The following EPB41L1 variants were observed in gnomAD, a reference collection of about 807,000 sequenced individuals.
EPB41L1 encodes band 4.1-like protein 1.
Under a neutral mutation model 97.8 loss-of-function variants are expected in EPB41L1, and 29 were observed. That is an observed-to-expected ratio of 0.30 (90% CI 0.22 to 0.40). EPB41L1 has a LOEUF of 0.40. EPB41L1 is among the 10% of genes least tolerant of loss of function. The pLI, the probability that EPB41L1 is intolerant of heterozygous loss-of-function variation, is 1.00. For synonymous variants in EPB41L1, 383 were observed against 459.2 expected, an observed-to-expected ratio of 0.83 and a Z score of 2.12; for missense variants, 812 against 1,162.3, an observed-to-expected ratio of 0.70 and a Z score of 4.38.
At chr20:36,215,470 G>A (rs2063387748) in intron 17 of EPB41L1, among the ~76,000 whole-genome samples, 1 of 152,192 alleles carries the variant, frequency 6.6e-6, no homozygotes, top group African/African-American at 2.4e-5. Flanking sequence ...CCAACCTCCT[G>A]ACATACACAT....
chr20:36,205,970 A>T (rs1172403052), intron 14 of EPB41L1: 1 of 1,289,876 alleles, frequency 7.8e-7, no homozygotes, highest in Non-Finnish European at 1.0e-6. Context: ...ATCCTTGCCA[A>T]CGGCAGACTC....
At chr20:36,157,426 G>C (rs1247638999) in intron 1 of EPB41L1, among the ~76,000 whole-genome samples, 1 of 152,222 alleles carries the variant, frequency 6.6e-6, no homozygotes, top group Non-Finnish European at 1.5e-5. Context: ...GGCTCAGAGA[G>C]GTTATGTCAC....
chr20:36,170,014 C>T (rs2060919712), intron 1 of EPB41L1, among the ~76,000 whole-genome samples: 1 of 151,972 alleles, frequency 6.6e-6, no homozygotes, highest in African/African-American at 2.4e-5. Flanking sequence ...TCACCTGGGC[C>T]TGGGCAGAAC....
intron 19 of EPB41L1, among the ~76,000 whole-genome samples, chr20:36,220,250 C>T (rs559557195): frequency 4.6e-5 from 7 of 152,308 alleles, no homozygotes; most frequent in East Asian, 3.9e-4. Flanking sequence ...AAGACAGATG[C>T]GGGTGTTCTA....
At chr20:36,135,399 G>A (rs1269075683) in intron 2 of EPB41L1, among the ~76,000 whole-genome samples, 1 of 152,192 alleles carries the variant, frequency 6.6e-6, no homozygotes, top group Non-Finnish European at 1.5e-5. Context: ...GATACCACAT[G>A]GGCCGAAGCA....
In EPB41L1 at chr20:36,212,854, ATGAACAAAG is replaced by A. The variant is rs1029944103; in HGVS notation, c.2184+483_2184+491del. ...TAGAGTTCCACATCAGATCAGTAAA[ATGAACAAAG>A]TGAAAGAAGAAAACCGAAGATCATG... On this transcript the variant is annotated intron_variant, in intron 16 of 21. Coordinates refer to ENST00000338074, the MANE Select transcript of EPB41L1 (RefSeq NM_012156.2). This position sits in a 1 kb window ranked among gnomAD's most constrained non-coding sequence, Gnocchi z 4.8. 4.6e-5 allele frequency among the ~76,000 whole-genome samples: 7 copies of A among 152,350 alleles called. No homozygotes were observed. Among genetic ancestry groups the A allele is most frequent in the Admixed American group, 4.6e-4 (7 of 15,310 alleles).
intron 21 of EPB41L1, among the ~76,000 whole-genome samples, chr20:36,223,691 T>A (rs897966220): frequency 9.2e-5 from 14 of 152,092 alleles, no homozygotes; most frequent in Non-Finnish European, 1.8e-4. Flanking sequence ...GAGAAAAAAA[T>A]TCTTCTGATT....
intron 4 of EPB41L1, 63 bp from the exon 5 acceptor site, chr20:36,178,567 C>T (rs1380638385): frequency 6.6e-7 from 1 of 1,526,042 alleles, no homozygotes. Context: ...ATATTTCTCT[C>T]TCTCAGCCCA....
chr20:36,185,481 A>G, intron 7 of EPB41L1, 146 bp downstream of exon 7: 1 of 780,838 alleles, frequency 1.3e-6, no homozygotes, highest in Non-Finnish European at 2.2e-6. Context: ...CTAAGAGCAA[A>G]TCATCTCTGT....
At chr20:36,147,694 G>A (rs1465727899) in intron 2 of EPB41L1, among the ~76,000 whole-genome samples, 4 of 152,176 alleles carry the variant, frequency 2.6e-5, no homozygotes, top group Non-Finnish European at 4.4e-5. Context: ...GTTAATTGAT[G>A]GTGATGCTGC....
At position 36,182,313 on chromosome 20, in the gene EPB41L1, C is replaced by T. The variant is rs1362630560; in HGVS notation, c.532C>T (p.Pro178Ser). Reference protein sequence around the residue: ...NFAFTVKFYPPDPAQLTEDIT... With the variant: ...NFAFTVKFYPSDPAQLTEDIT... Reference sequence around the variant, plus strand: ...TGCCTTCACAGTCAAGTTCTACCCGCCTGATCCTGCCCAGCTGACAGAAGA... The same window carrying T: ...TGCCTTCACAGTCAAGTTCTACCCGTCTGATCCTGCCCAGCTGACAGAAGA... The change falls in exon 6 of 22, where the codon CCT becomes TCT. Residue 178 changes from proline to serine, a missense_variant. By Grantham distance (74) the Pro-to-Ser change is moderately conservative. This residue lies in a region of EPB41L1 where 230 missense variants were observed against 445.2 expected (regional missense o/e 0.52). Coordinates refer to ENST00000338074, the MANE Select transcript of EPB41L1 (RefSeq NM_012156.2). 1 of 1,614,146 alleles carries T rather than the reference C, an allele frequency of 6.2e-7. No homozygotes were observed. The highest frequency in any genetic ancestry group is 2.2e-5 in the East Asian group (1 of 44,886).
intron 3 of EPB41L1, 98 bp from the exon 4 acceptor site, chr20:36,177,854 C>T (rs1240687572): frequency 2.0e-6 from 2 of 989,402 alleles, no homozygotes; most frequent in Non-Finnish European, 1.6e-6. Flanking sequence ...CCGAAAGGCC[C>T]TTGGGGTTTT....
chr20:36,146,520 G>T (rs2059838689), intron 2 of EPB41L1, among the ~76,000 whole-genome samples: 2 of 152,250 alleles, frequency 1.3e-5, no homozygotes, highest in African/African-American at 4.8e-5. Flanking sequence ...GCCCAGCCTG[G>T]CCTAGTGTGG....
rs1196166208 is a variant in EPB41L1, at chr20:36,230,308, TTAAAA to T, written c.*973_*977del. 18 of 152,658 alleles carry T rather than the reference TTAAAA, an allele frequency of 1.2e-4. No individual in the cohort carries two copies. Among genetic ancestry groups the T allele is most frequent in the Middle Eastern group, 3.4e-3 (1 of 294 alleles). The allele number at this position is 152,658 out of a possible 1,614,324, so 9.5% of individuals were successfully genotyped here. ...ATATTACATATAACAGGAAAAAATA[TTAAAA>T]TAAACAGTGCTGGTAAGTATGAAGC... On this transcript the variant is annotated 3_prime_UTR_variant, in exon 22 of 22. Coordinates refer to ENST00000338074, the MANE Select transcript of EPB41L1 (RefSeq NM_012156.2).
At chr20:36,168,005 C>T (rs2590947) in intron 1 of EPB41L1, among the ~76,000 whole-genome samples, 25,808 of 152,136 alleles carry the variant, frequency 0.17, 4,777 homozygotes, top group African/African-American at 0.46. Context: ...ATAAACCGGA[C>T]ACCAGTTGAT....
chr20:36,106,162 G>A (rs2058185935), intron 1 of EPB41L1, among the ~76,000 whole-genome samples: 1 of 152,208 alleles, frequency 6.6e-6, no homozygotes, highest in African/African-American at 2.4e-5. Context: ...GGTGTGGGTG[G>A]GGGAACTAAG....
intron 2 of EPB41L1, among the ~76,000 whole-genome samples, chr20:36,130,154 C>G (rs547616425): frequency 6.6e-6 from 1 of 152,152 alleles, no homozygotes; most frequent in South Asian, 2.1e-4. Context: ...ATTGGCCAGG[C>G]TGATTTCGAA....
chr20:36,127,268 C>T (rs539835032), intron 2 of EPB41L1, among the ~76,000 whole-genome samples: 67 of 152,318 alleles, frequency 4.4e-4, no homozygotes, highest in African/African-American at 1.6e-3. Context: ...TCTGCATCCC[C>T]ACCCCAGCTG....
rs187421200 is a variant in EPB41L1 at position 36,217,493 on chromosome 20, G to A, written c.2269-1383G>A. On this transcript the variant is annotated intron_variant, in intron 17 of 21. Transcript: ENST00000338074. ...GGAAGGGAGGAGCAGAGGGTGCCTC[G>A]TTTTGAATGACTGATGTCCCTAGTG... Among the ~76,000 whole-genome samples the A allele has an allele frequency of 1.9e-3, 294 of 152,280 alleles. 1 individual carries two copies. Among genetic ancestry groups the A allele is most frequent in the Non-Finnish European group, 3.3e-3 (226 of 68,022 alleles).
Sources: allele counts gnomAD v4.1 joint callset (sites outside exome capture counted in the v4.1 genomes callset), GRCh38; gene constraint gnomAD v4.1.1; regional missense constraint gnomAD v4.1.1; non-coding constraint Gnocchi (gnomAD v3.1); transcripts MANE v1.5; gene names NCBI Gene and HGNC (gene_info 2026-07-23, HGNC 2026-07-21).